LRMDA: variants seen among roughly 807,000 people sequenced by gnomAD.
LRMDA encodes the protein leucine-rich melanocyte differentiation-associated protein.
Under a neutral mutation model 29.8 loss-of-function variants are expected in LRMDA, and 18 were observed. The ratio of observed to expected loss-of-function variants is 0.60; its 90% CI spans 0.42 to 0.90. The LOEUF (loss-of-function observed/expected upper bound fraction) is 0.90, where lower values mean the gene tolerates loss of function less well. Among genes scored for constraint, LRMDA ranks in the 40% least tolerant of loss-of-function variants. The pLI, the probability that LRMDA is intolerant of heterozygous loss-of-function variation, is 0.00. For missense variants in LRMDA, 273 were observed against 273.9 expected (o/e 1.00, Z 0.02); for synonymous variants, 125 against 109.4 (o/e 1.14, Z -0.89).
intron 2 of LRMDA, among the ~76,000 whole-genome samples, chr10:76,011,108 T>C (rs759174443): frequency 2.0e-5 from 3 of 152,236 alleles, no homozygotes; most frequent in Non-Finnish European, 4.4e-5. Flanking sequence ...CCATTACTTT[T>C]CAGTGTTAAC....
intron 2 of LRMDA, among the ~76,000 whole-genome samples, chr10:75,502,694 AG>A (rs1374495109): frequency 6.6e-6 from 1 of 152,170 alleles, no homozygotes; most frequent in Non-Finnish European, 1.5e-5. Flanking sequence ...AAGGGTTCAG[AG>A]GCCTCCTGAG....
intron 5 of LRMDA, among the ~76,000 whole-genome samples, chr10:76,267,007 ATTCAAATTGTAACTAACC>A (rs1422177745): frequency 6.6e-6 from 1 of 152,074 alleles, no homozygotes; most frequent in African/African-American, 2.4e-5. Context: ...GTGCTGATAA[ATTCAAATTGTAACTAACC>A]TCCCTTAGAT....
At chr10:76,125,846 GT>G (rs1468532408) in intron 5 of LRMDA, among the ~76,000 whole-genome samples, 1 of 152,192 alleles carries the variant, frequency 6.6e-6, no homozygotes, top group Non-Finnish European at 1.5e-5. Flanking sequence ...AGAATGTTTT[GT>G]CTGTCCTACT....
intron 2 of LRMDA, among the ~76,000 whole-genome samples, chr10:75,692,507 A>G (rs1276942718): frequency 6.6e-6 from 1 of 151,262 alleles, no homozygotes; most frequent in Non-Finnish European, 1.5e-5. Context: ...ATATATGTAT[A>G]CATGTGTGTA....
At chr10:76,091,377 A>C (rs2132091201) in intron 5 of LRMDA, among the ~76,000 whole-genome samples, 1 of 151,760 alleles carries the variant, frequency 6.6e-6, no homozygotes, top group Admixed American at 6.6e-5. Flanking sequence ...TCTGGGCTGA[A>C]GTTTGGCTCT....
chr10:76,206,745 T>C (rs954210672), intron 5 of LRMDA, among the ~76,000 whole-genome samples: 10 of 152,262 alleles, frequency 6.6e-5, no homozygotes, highest in Admixed American at 5.9e-4. Flanking sequence ...GACTATCCAG[T>C]AACCACTTTC....
In LRMDA at chr10:76,090,040, G is replaced by A. The variant is rs548325323; in HGVS notation, c.516+31257G>A. On this transcript the variant is annotated intron_variant, in intron 5 of 6. Transcript: ENST00000611255. ...ACACAGCTTTTCAATGTAGTCACTG[G>A]CAATGTCAGCAGTGGAAAATAAACT... is the stretch of plus-strand genomic sequence containing the variant. 3.3e-5 allele frequency among the ~76,000 whole-genome samples: 5 copies of A among 152,224 alleles called. No homozygotes were observed. In the South Asian group the frequency reaches 1.0e-3, roughly 32 times the overall value.
intron 6 of LRMDA, chr10:76,403,218 T>C (rs1158904234): frequency 6.6e-6 from 1 of 151,840 alleles, no homozygotes; most frequent in Non-Finnish European, 1.5e-5. Flanking sequence ...CTCCACTGTA[T>C]AGTGCAGACG....
rs562620611 is a variant in LRMDA, at chr10:76,139,357, A to G, written c.516+80574A>G. On this transcript the variant is annotated intron_variant, in intron 5 of 6. Coordinates refer to ENST00000611255, the MANE Select transcript of LRMDA (RefSeq NM_001305581.2). ...ATATTTAGTTAAAAATTTTTTGCAT[A>G]TTATCCTACAATTTAACCTGTTTAG... Among the ~76,000 whole-genome samples, 3 of 152,258 alleles carry G rather than the reference A, an allele frequency of 2.0e-5. No homozygotes were observed. In the East Asian group the frequency reaches 5.8e-4, roughly 29 times the overall value.
chr10:75,510,246 C>A (rs1473827016), intron 2 of LRMDA, among the ~76,000 whole-genome samples: 1 of 152,096 alleles, frequency 6.6e-6, no homozygotes, highest in Non-Finnish European at 1.5e-5. Flanking sequence ...CCTATCTGGG[C>A]TTTTGAATGA....
intron 2 of LRMDA, among the ~76,000 whole-genome samples, chr10:75,580,185 C>T (rs1456693692): frequency 2.6e-5 from 4 of 152,154 alleles, no homozygotes; most frequent in Admixed American, 1.3e-4. Flanking sequence ...ATTGTCTCAG[C>T]CCAAAATCTC....
At chr10:76,489,254 T>C (rs927016022) in intron 6 of LRMDA, among the ~76,000 whole-genome samples, 14 of 151,944 alleles carry the variant, frequency 9.2e-5, no homozygotes, top group Non-Finnish European at 1.5e-5. Context: ...AGGTGGTATA[T>C]GTCTAGAAAT....
chr10:76,536,034 C>T (rs1449153862), intron 6 of LRMDA: 2 of 152,144 alleles, frequency 1.3e-5, no homozygotes, highest in Non-Finnish European at 2.9e-5. Context: ...GCCTTGGCCT[C>T]CCAAAGTGCT....
chr10:75,817,723 G>T (rs1407601400), intron 2 of LRMDA, among the ~76,000 whole-genome samples: 1 of 152,196 alleles, frequency 6.6e-6, no homozygotes, highest in Non-Finnish European at 1.5e-5. Flanking sequence ...AAGCGTTTGG[G>T]AGGGTATTGG....
intron 2 of LRMDA, among the ~76,000 whole-genome samples, chr10:75,573,963 G>A (rs1840469294): frequency 6.6e-6 from 1 of 150,858 alleles, no homozygotes; most frequent in African/African-American, 2.4e-5. Context: ...CAGGCTTGGG[G>A]TTTTTGTTTC....
chr10:76,000,962 C>CATTCAA (rs1448209293), intron 2 of LRMDA, among the ~76,000 whole-genome samples: 2 of 152,172 alleles, frequency 1.3e-5, no homozygotes, highest in African/African-American at 4.8e-5. Context: ...CACGTTGATT[C>CATTCAA]ATTCAACACC....
At chr10:76,260,378 G>A (rs1839920667) in intron 5 of LRMDA, among the ~76,000 whole-genome samples, 1 of 152,142 alleles carries the variant, frequency 6.6e-6, no homozygotes, top group Non-Finnish European at 1.5e-5. Context: ...CAATCTAGTG[G>A]TGATGAATCC....
intron 2 of LRMDA, among the ~76,000 whole-genome samples, chr10:75,899,825 T>C (rs1469461594): frequency 1.3e-5 from 2 of 152,160 alleles, no homozygotes; most frequent in Non-Finnish European, 2.9e-5. Context: ...TCCTCTCCAA[T>C]GTGTTCAACT....
chr10:75,825,924 G>T (rs988782284), intron 2 of LRMDA, among the ~76,000 whole-genome samples: 2 of 152,148 alleles, frequency 1.3e-5, no homozygotes, highest in Non-Finnish European at 2.9e-5. Flanking sequence ...ATAAACAGCG[G>T]CTGCATGTGG....
Sources: gnomAD v4.1 joint callset for allele counts (sites outside exome capture counted in the v4.1 genomes callset) on GRCh38, gnomAD v4.1.1 for gene constraint, MANE v1.5 for transcripts, NCBI Gene and HGNC (gene_info 2026-07-23, HGNC 2026-07-21) for gene names.